SGCD: variants seen among roughly 807,000 people sequenced by gnomAD.
SGCD encodes the protein delta-sarcoglycan.
In SGCD, 18 loss-of-function variants were observed where a neutral mutation model predicts 36.6. That is an observed-to-expected ratio of 0.49 (90% CI 0.34 to 0.73). SGCD has a LOEUF of 0.73. Ranked by LOEUF, SGCD falls within the 30% of genes least tolerant of loss-of-function variation. SGCD has a pLI of 0.01. For synonymous variants in SGCD, 133 were observed against 130.6 expected (o/e 1.02, Z -0.12); for missense variants, 387 against 346.7 (o/e 1.12, Z -0.92).
At chr5:156,354,599 A>C (rs1196590629) in intron 3 of SGCD, among the ~76,000 whole-genome samples, 1 of 152,198 alleles carries the variant, frequency 6.6e-6, no homozygotes, top group Non-Finnish European at 1.5e-5. Context: ...TGAGAGGAAC[A>C]ATGTTAGAAA....
intron 1 of SGCD, among the ~76,000 whole-genome samples, chr5:155,873,651 T>C (rs1755705492): frequency 6.6e-6 from 1 of 152,084 alleles, no homozygotes; most frequent in Admixed American, 6.6e-5. Context: ...GTAACCAAAC[T>C]GCCCTTGTGC....
the SGCD span, among the ~76,000 whole-genome samples, chr5:155,737,942 G>A: frequency 6.6e-6 from 1 of 152,092 alleles, no homozygotes; most frequent in Non-Finnish European, 1.5e-5. Context: ...GGTGTTGAGG[G>A]CCCTCTGGCT....
chr5:156,292,536 TG>T (rs1284113904), intron 3 of SGCD, among the ~76,000 whole-genome samples: 10 of 152,292 alleles, frequency 6.6e-5, no homozygotes, highest in African/African-American at 2.4e-4. Flanking sequence ...TTTTAGCTAT[TG>T]TAAACAATGC....
chr5:156,363,147 A>T (rs1323179369), intron 3 of SGCD, among the ~76,000 whole-genome samples: 6 of 152,136 alleles, frequency 3.9e-5, no homozygotes, highest in African/African-American at 1.4e-4. Flanking sequence ...TGATATGTTT[A>T]TGAAGTTTAT....
chr5:156,433,388 TC>T (rs1321897500), intron 3 of SGCD, among the ~76,000 whole-genome samples: 2 of 152,122 alleles, frequency 1.3e-5, no homozygotes, highest in Non-Finnish European at 2.9e-5. Context: ...CTAACGGTGA[TC>T]CAGAGTAAAC....
chr5:156,698,397 A>G (rs551420619), intron 7 of SGCD, among the ~76,000 whole-genome samples: 3 of 152,300 alleles, frequency 2.0e-5, no homozygotes, highest in Non-Finnish European at 4.4e-5. Context: ...TCTCACAATG[A>G]TCTCACCTTG....
chr5:156,649,606 C>T (rs1429163248), intron 7 of SGCD, among the ~76,000 whole-genome samples: 4 of 150,422 alleles, frequency 2.7e-5, no homozygotes, highest in African/African-American at 9.8e-5. Flanking sequence ...CAAACTATCA[C>T]AAGGTCAAAA....
the SGCD span, among the ~76,000 whole-genome samples, chr5:155,742,476 G>A: frequency 1.3e-5 from 2 of 152,194 alleles, no homozygotes; most frequent in Non-Finnish European, 2.9e-5. Context: ...ACTATTAAAT[G>A]TGATTAAGAC....
At chr5:155,869,261 G>A (rs1207996491), upstream of SGCD, among the ~76,000 whole-genome samples, 3 of 152,046 alleles carry the variant, frequency 2.0e-5, no homozygotes, top group African/African-American at 7.2e-5. Flanking sequence ...GCACTATTCG[G>A]TGCCCACAAC....
intron 8 of SGCD, 57 bp from the exon 9 acceptor site, chr5:156,759,160 C>A: frequency 2.2e-6 from 3 of 1,354,744 alleles, no homozygotes; most frequent in Non-Finnish European, 2.1e-6. Context: ...TTCTGAATGT[C>A]AAGAGAAGAG....
chr5:155,843,582 T>G, the SGCD span, among the ~76,000 whole-genome samples: 1 of 152,226 alleles, frequency 6.6e-6, no homozygotes, highest in Admixed American at 6.5e-5. Context: ...AGTCGAAGGC[T>G]CAACATTTAC....
At chr5:156,523,401 A>T (rs1047056564) in intron 4 of SGCD, among the ~76,000 whole-genome samples, 6 of 152,160 alleles carry the variant, frequency 3.9e-5, no homozygotes, top group Non-Finnish European at 8.8e-5. Flanking sequence ...ACGGAACTGA[A>T]GCTTAATTAT....
chr5:156,548,616 G>A (rs1758673110), intron 4 of SGCD, among the ~76,000 whole-genome samples: 1 of 151,362 alleles, frequency 6.6e-6, no homozygotes, highest in South Asian at 2.1e-4. Context: ...TTTCCTTTCC[G>A]TGTATTTTTT....
chr5:156,757,891 G>T, intron 8 of SGCD, 187 bp downstream of exon 8: 1 of 1,307,342 alleles, frequency 7.6e-7, no homozygotes, highest in Non-Finnish European at 9.8e-7. Flanking sequence ...TCAAAGTGAT[G>T]ATTTCTTATT....
At chr5:155,795,332 A>G in the SGCD span, among the ~76,000 whole-genome samples, 1 of 152,170 alleles carries the variant, frequency 6.6e-6, no homozygotes, top group African/African-American at 2.4e-5. Flanking sequence ...AAAATCAATA[A>G]TGCAAAGCAA....
chr5:155,814,255 C>T, the SGCD span, among the ~76,000 whole-genome samples: 1 of 152,174 alleles, frequency 6.6e-6, no homozygotes, highest in Non-Finnish European at 1.5e-5. Flanking sequence ...CTTGTTTGCT[C>T]TTTCTGTATC....
At chr5:155,992,349 C>T (rs1028182416) in intron 1 of SGCD, among the ~76,000 whole-genome samples, 9 of 152,086 alleles carry the variant, frequency 5.9e-5, no homozygotes, top group Admixed American at 4.6e-4. Context: ...TTTTCACTAG[C>T]GCTGCCTCGG....
rs181957719 is a variant in SGCD at position 156,610,884 on chromosome 5, G to A, written c.502+15833G>A. Among the ~76,000 whole-genome samples, 295 of 152,344 alleles carry A rather than the reference G, an allele frequency of 1.9e-3. 2 individuals are homozygous for A. Among genetic ancestry groups the A allele is most frequent in the Middle Eastern group, 0.014 (4 of 294 alleles). On this transcript the variant is annotated intron_variant, in intron 6 of 8. Transcript: ENST00000337851. ...TCCTGGTGTGCCGTTTGCTAAGACC[G>A]TTGGGAAAGCGCAGTATTAGGGTGA...
chr5:155,899,111 C>T (rs1561643112), intron 1 of SGCD, among the ~76,000 whole-genome samples: 2 of 152,144 alleles, frequency 1.3e-5, no homozygotes, highest in Non-Finnish European at 2.9e-5. Flanking sequence ...TGGCATTAAA[C>T]AACACTGAAG....
Sources: gnomAD v4.1 joint callset for allele counts (sites outside exome capture counted in the v4.1 genomes callset) on GRCh38, gnomAD v4.1.1 for gene constraint, MANE v1.5 for transcripts, NCBI Gene and HGNC (gene_info 2026-07-23, HGNC 2026-07-21) for gene names.